The following POLN variants were observed in gnomAD, a reference collection of about 807,000 sequenced individuals.
The protein encoded by POLN is DNA polymerase nu, also known as DNA polymerase N.
A neutral mutation model predicts 113.5 loss-of-function variants in POLN; 108 were observed. The observed-to-expected ratio is 0.95, with a 90% CI of 0.81 to 1.12. The LOEUF is 1.12. Among genes scored for constraint, POLN ranks in the 50% most tolerant of loss-of-function variants. The pLI is 0.00. For synonymous variants in POLN, 386 were observed against 391.5 expected, an observed-to-expected ratio of 0.99 and a Z score of 0.17; for missense variants, 1,097 against 1,077.1, an observed-to-expected ratio of 1.02 and a Z score of -0.26.
intron 3 of POLN, among the ~76,000 whole-genome samples, chr4:2,214,067 C>A (rs1015682289): frequency 6.6e-6 from 1 of 152,074 alleles, no homozygotes; most frequent in Admixed American, 6.5e-5. Context: ...GAAACCCCAC[C>A]TCTACTAAAA....
chr4:2,158,297 C>A (rs538026679), intron 14 of POLN, among the ~76,000 whole-genome samples: 2 of 152,014 alleles, frequency 1.3e-5, no homozygotes, highest in Non-Finnish European at 2.9e-5. Flanking sequence ...CACAGAGTGC[C>A]GGGCACGTGC....
At chr4:2,222,435 A>G (rs560679324) in intron 3 of POLN, among the ~76,000 whole-genome samples, 1 of 152,212 alleles carries the variant, frequency 6.6e-6, no homozygotes, top group South Asian at 2.1e-4. Context: ...CTGTAGTCTC[A>G]GCTACTCAGA....
At chr4:2,123,557 G>A (rs1177429226) in intron 19 of POLN, among the ~76,000 whole-genome samples, 1 of 149,914 alleles carries the variant, frequency 6.7e-6, no homozygotes, top group African/African-American at 2.5e-5. Flanking sequence ...CCTGGGAGAC[G>A]GAGGTTGAAG....
chr4:2,232,160 C>T, intron 2 of POLN: 1 of 1,378,174 alleles, frequency 7.3e-7, no homozygotes, highest in Non-Finnish European at 9.9e-7. Flanking sequence ...TCTGTTAACT[C>T]CTAAAAAAGG....
chr4:2,159,067 G>T, intron 14 of POLN, 88 bp downstream of exon 14: 1 of 1,013,550 alleles, frequency 9.9e-7, no homozygotes, highest in Non-Finnish European at 1.6e-6. Flanking sequence ...GGCTACTTCA[G>T]CCATTATGGA....
At chr4:2,150,136 GGA>G (rs1477058906) in intron 16 of POLN, among the ~76,000 whole-genome samples, 5 of 151,398 alleles carry the variant, frequency 3.3e-5, no homozygotes, top group Admixed American at 6.6e-5. Flanking sequence ...AAAAGAAGTG[GGA>G]GAGAGACACA....
At chr4:2,079,995 C>A (rs1318502701) in intron 23 of POLN, 1 of 985,358 alleles carries the variant, frequency 1.0e-6, no homozygotes, top group African/African-American at 1.7e-5. Context: ...GTCCCTGGGG[C>A]AGTGCTTAGA....
intron 7 of POLN, among the ~76,000 whole-genome samples, chr4:2,188,166 C>T (rs1372994349): frequency 6.6e-6 from 1 of 152,032 alleles, no homozygotes; most frequent in East Asian, 1.9e-4. Flanking sequence ...AGACAACTGT[C>T]ACCCAAGAAT....
intron 9 of POLN, among the ~76,000 whole-genome samples, chr4:2,175,261 C>T (rs1387321807): frequency 2.0e-5 from 3 of 152,066 alleles, no homozygotes; most frequent in Non-Finnish European, 2.9e-5. Flanking sequence ...ATTTTATTAC[C>T]AAGATCTAGT....
At position 2,198,312 on chromosome 4, in the gene POLN, C is replaced by T. The variant is rs1577763576; in HGVS notation, c.908+212G>A. The stretch of plus-strand genomic sequence containing the variant: ...TTCAAGTCCTGGAGCCGGCTGCTCC[C>T]ACAGAAGAACGGAACTCCATTCCAG... On this transcript the variant is annotated intron_variant, in intron 6 of 25. Transcript: ENST00000511885. Among the ~76,000 whole-genome samples the T allele has an allele frequency of 2.0e-5, 3 of 152,120 alleles. No homozygotes were observed. In the East Asian group the frequency reaches 5.8e-4, roughly 29 times the overall value.
At chr4:2,233,087 C>A (rs978329140) in intron 2 of POLN, among the ~76,000 whole-genome samples, 4 of 152,156 alleles carry the variant, frequency 2.6e-5, no homozygotes, top group Non-Finnish European at 5.9e-5. Flanking sequence ...CTACTTAAGA[C>A]CTGTCATAAA....
intron 12 of POLN, 58 bp from the exon 13 acceptor site, chr4:2,170,832 A>G (rs577128135): frequency 6.8e-7 from 1 of 1,471,960 alleles, no homozygotes; most frequent in Admixed American, 1.7e-5. Flanking sequence ...GAAACAGAAC[A>G]TTACTATAGC....
chr4:2,190,301 T>C (rs541520343), intron 7 of POLN, among the ~76,000 whole-genome samples: 21 of 152,026 alleles, frequency 1.4e-4, no homozygotes, highest in African/African-American at 4.1e-4. Flanking sequence ...AGAATATATA[T>C]TGGGGAAAAG....
At chr4:2,240,876 C>G in intron 2 of POLN, 1 of 1,610,260 alleles carries the variant, frequency 6.2e-7, no homozygotes, top group Non-Finnish European at 8.5e-7. Context: ...AAAGTCTTCT[C>G]CATTAAGATT....
intron 6 of POLN, among the ~76,000 whole-genome samples, chr4:2,197,704 T>C (rs772855004): frequency 6.6e-6 from 1 of 152,204 alleles, no homozygotes; most frequent in Non-Finnish European, 1.5e-5. Flanking sequence ...GGGAGCTGAA[T>C]GCTATGTTTG....
intron 9 of POLN, among the ~76,000 whole-genome samples, chr4:2,176,012 G>A (rs115704220): frequency 1.2e-4 from 19 of 152,232 alleles, no homozygotes; most frequent in African/African-American, 4.6e-4. Context: ...ATTAACTATG[G>A]CATTGGAAAC....
intron 19 of POLN, among the ~76,000 whole-genome samples, chr4:2,096,347 C>A (rs371213562): frequency 6.6e-6 from 1 of 152,194 alleles, no homozygotes; most frequent in Non-Finnish European, 1.5e-5. Flanking sequence ...ACTGGATGAA[C>A]AACTCTGTCC....
intron 19 of POLN, among the ~76,000 whole-genome samples, chr4:2,098,913 C>T (rs968854291): frequency 2.0e-4 from 12 of 61,536 alleles, no homozygotes; most frequent in East Asian, 1.4e-3. Flanking sequence ...CATGCACGTG[C>T]GTGCGCACAC....
At position 2,080,374 on chromosome 4, in the gene POLN, C is replaced by A. The variant is rs1014333877; in HGVS notation, c.2387+584G>T. ...GGGGGCAGCCAGGGCGGAGCCCCCC[C>A]CCACCAAGGCACATCTGCATGTTGG... On this transcript the variant is annotated intron_variant, in intron 23 of 25. Coordinates refer to ENST00000511885, the MANE Select transcript of POLN (RefSeq NM_181808.4). 6.9e-6 allele frequency: 7 copies of A among 1,019,236 alleles called. No homozygotes were observed. In the African/African-American group the frequency reaches 1.2e-4, roughly 18 times the overall value. 63.1% of individuals were successfully genotyped at this position (1,019,236 alleles called of 1,614,324 possible). A position where few individuals can be genotyped will look rare whatever the true frequency, so the allele number is the denominator to read the frequency against.
Sources: allele counts gnomAD v4.1 joint callset (sites outside exome capture counted in the v4.1 genomes callset), GRCh38; gene constraint gnomAD v4.1.1; transcripts MANE v1.5; gene names NCBI Gene and HGNC (gene_info 2026-07-23, HGNC 2026-07-21).